PCDHA12: variants seen among roughly 807,000 people sequenced by gnomAD.
PCDHA12 encodes the protein protocadherin alpha 12, also known as protocadherin alpha-12.
Under a neutral mutation model 60.0 loss-of-function variants are expected in PCDHA12, and 44 were observed. The observed-to-expected ratio is 0.73, with a 90% CI of 0.58 to 0.94. The LOEUF is 0.94. Ranked by LOEUF, PCDHA12 falls within the 40% of genes least tolerant of loss-of-function variation. PCDHA12 has a pLI of 0.00. For synonymous variants in PCDHA12, 569 were observed against 553.0 expected, an observed-to-expected ratio of 1.03 and a Z score of -0.40; for missense variants, 1,276 against 1,239.7, an observed-to-expected ratio of 1.03 and a Z score of -0.44.
intron 3 of PCDHA12, among the ~76,000 whole-genome samples, chr5:141,002,832 C>T (rs147080489): frequency 1.2e-4 from 18 of 152,242 alleles, no homozygotes; most frequent in Admixed American, 2.6e-4. Context: ...GTAAATGGCC[C>T]AGGACTATGC....
At chr5:140,976,330 T>C (rs139191853) in intron 1 of PCDHA12, among the ~76,000 whole-genome samples, 1 of 152,088 alleles carries the variant, frequency 6.6e-6, no homozygotes, top group Non-Finnish European at 1.5e-5. Flanking sequence ...GAGGGTGGAT[T>C]GCCTGAGGTC....
chr5:140,917,450 G>A (rs1220183879), intron 1 of PCDHA12, among the ~76,000 whole-genome samples: 2 of 152,010 alleles, frequency 1.3e-5, no homozygotes, highest in Non-Finnish European at 2.9e-5. Context: ...CTGCAAGAGC[G>A]TTTGGCATCT....
At chr5:141,007,660 T>C (rs1392469115) in intron 3 of PCDHA12, among the ~76,000 whole-genome samples, 2 of 152,074 alleles carry the variant, frequency 1.3e-5, no homozygotes, top group Admixed American at 6.5e-5. Flanking sequence ...AAACCATAAA[T>C]TTACAAAGAC....
intron 1 of PCDHA12, chr5:140,928,158 A>T: frequency 1.2e-6 from 2 of 1,614,066 alleles, no homozygotes; most frequent in Non-Finnish European, 1.7e-6. Flanking sequence ...ATAGTGGCTC[A>T]CCCCCACTTA....
intron 3 of PCDHA12, among the ~76,000 whole-genome samples, chr5:140,985,081 G>C (rs1028077723): frequency 1.3e-5 from 2 of 152,088 alleles, no homozygotes; most frequent in African/African-American, 4.8e-5. Flanking sequence ...GAGACTACAG[G>C]CGTGTGCCAC....
chr5:140,882,451 G>T (rs2059142751), intron 1 of PCDHA12: 4 of 1,613,922 alleles, frequency 2.5e-6, no homozygotes, highest in African/African-American at 1.3e-5. Flanking sequence ...AGCTGGTGCC[G>T]CGCCTGTTCC....
intron 1 of PCDHA12, among the ~76,000 whole-genome samples, chr5:140,963,057 A>G (rs1004095673): frequency 1.3e-5 from 2 of 152,186 alleles, no homozygotes; most frequent in African/African-American, 4.8e-5. Context: ...AAGGGTTTCT[A>G]CATTGTGAAG....
chr5:140,898,542 T>G (rs368410152), intron 1 of PCDHA12, among the ~76,000 whole-genome samples: 2 of 152,286 alleles, frequency 1.3e-5, no homozygotes, highest in East Asian at 3.9e-4. Context: ...CTGTTCCATT[T>G]ATCTATGTCT....
intron 3 of PCDHA12, among the ~76,000 whole-genome samples, chr5:141,003,397 C>T (rs370088269): frequency 2.0e-5 from 3 of 152,086 alleles, no homozygotes; most frequent in African/African-American, 4.8e-5. Flanking sequence ...CTGAAACCTC[C>T]GCCTCCCGGG....
At chr5:140,896,661 G>A (rs553525837) in intron 1 of PCDHA12, among the ~76,000 whole-genome samples, 1 of 152,220 alleles carries the variant, frequency 6.6e-6, no homozygotes. Context: ...ACAGGCATGA[G>A]TCACTGTGCC....
At chr5:141,000,419 ATATTTTTTT>A (rs2097927194) in intron 3 of PCDHA12, among the ~76,000 whole-genome samples, 6 of 60,996 alleles carry the variant, frequency 9.8e-5, no homozygotes, top group Non-Finnish European at 1.1e-4. Flanking sequence ...ATATATATAT[ATATTTTTTT>A]TTTTTTTTTT....
rs1554169270 is a variant in PCDHA12, at chr5:140,877,049, A to G, written c.1577A>G (p.Glu526Gly). 2.5e-6 allele frequency: 4 copies of G among 1,612,684 alleles called. No homozygotes were observed. Among genetic ancestry groups the G allele is most frequent in the Middle Eastern group, 3.9e-4 (2 of 5,162 alleles). Reference sequence around the variant, plus strand: ...TACGCGCTGCAGCCGCTAGACCACGAGGAGCTGGAGCTGCTGCAGTTCCAG... The same window carrying G: ...TACGCGCTGCAGCCGCTAGACCACGGGGAGCTGGAGCTGCTGCAGTTCCAG... ...KVYALQPLDH[E>G]ELELLQFQVS... Residue 526 changes from glutamate (E) to glycine (G), a missense_variant, in exon 1 of 4, where the codon GAG (glutamate) becomes GGG (glycine). Coordinates refer to ENST00000398631, the MANE Select transcript of PCDHA12 (RefSeq NM_018903.4).
In PCDHA12 at chr5:140,968,565, C is replaced by T. The variant is rs532751675; in HGVS notation, c.2368-10384C>T. ...GAGATGGTGCCTCGAACTGCCCCTG[C>T]TGGCTACCTGGTCACCAAAGTCATA... is the stretch of plus-strand genomic sequence containing the variant. On this transcript the variant is annotated intron_variant, in intron 1 of 3. Coordinates refer to ENST00000398631, the MANE Select transcript of PCDHA12 (RefSeq NM_018903.4). 4.3e-6 allele frequency: 7 copies of T among 1,614,206 alleles called. No homozygotes were observed. The African/African-American group carries it at 6.7e-5, about 15-fold the overall frequency.
chr5:141,009,501 C>T (rs2098410009), intron 3 of PCDHA12, 126 bp from the exon 4 acceptor site: 4 of 1,492,480 alleles, frequency 2.7e-6, no homozygotes, highest in Non-Finnish European at 3.6e-6. Context: ...CAGACTTGAA[C>T]AAACAACTCG....
intron 1 of PCDHA12, among the ~76,000 whole-genome samples, chr5:140,894,025 A>G (rs1473023847): frequency 1.3e-5 from 2 of 152,232 alleles, no homozygotes; most frequent in Admixed American, 6.5e-5. Flanking sequence ...CCAGTTCTGC[A>G]TACTGGTAAT....
At chr5:140,927,720 G>C (rs782475238) in intron 1 of PCDHA12, 8 of 1,614,056 alleles carry the variant, frequency 5.0e-6, no homozygotes, top group Non-Finnish European at 6.8e-6. Flanking sequence ...GCAACAGCAC[G>C]CAAGCAGAGC....
intron 3 of PCDHA12, among the ~76,000 whole-genome samples, chr5:140,998,871 A>C (rs1554256499): frequency 6.6e-6 from 1 of 152,200 alleles, no homozygotes; most frequent in African/African-American, 2.4e-5. Flanking sequence ...CTTGTAAATA[A>C]TAAGTTTAGT....
rs1262601662 is a variant in PCDHA12, at chr5:141,011,550, A to C, written c.*1613A>C. On this transcript the variant is annotated 3_prime_UTR_variant, in exon 4 of 4. Coordinates refer to ENST00000398631, the MANE Select transcript of PCDHA12 (RefSeq NM_018903.4). ...CATTGTTAATCAGCTTTTGTGTATG[A>C]AAGACACAGTAAAATTTCTTTCTTA... 6 of 153,770 alleles carry C rather than the reference A, an allele frequency of 3.9e-5. No homozygotes were observed. The highest frequency in any genetic ancestry group is 1.4e-4 in the African/African-American group (6 of 41,462). The allele number at this position is 153,770 out of a possible 1,614,324, so 9.5% of individuals were successfully genotyped here. A position where few individuals can be genotyped will look rare whatever the true frequency, so the allele number is the denominator to read the frequency against.
At chr5:140,979,052 G>T (rs2096833352) in intron 2 of PCDHA12, 45 bp downstream of exon 2, 1 of 1,609,668 alleles carries the variant, frequency 6.2e-7, no homozygotes, top group Non-Finnish European at 8.5e-7. Context: ...CCTTAACTTG[G>T]TATGGCTCAG....
Sources: allele counts gnomAD v4.1 joint callset (sites outside exome capture counted in the v4.1 genomes callset), GRCh38; gene constraint gnomAD v4.1.1; transcripts MANE v1.5; gene names NCBI Gene and HGNC (gene_info 2026-07-23, HGNC 2026-07-21).